LTBP1: variants seen among roughly 807,000 people sequenced by gnomAD.
LTBP1 encodes the protein latent transforming growth factor beta binding protein 1.
LTBP1 carries 129 observed loss-of-function variants against 207.6 expected under a neutral mutation model. The ratio of observed to expected loss-of-function variants is 0.62; its 90% confidence interval spans 0.54 to 0.72. The LOEUF is 0.72. Ranked by LOEUF, LTBP1 falls within the 30% of genes least tolerant of loss-of-function variation. LTBP1 has a pLI of 0.00. For missense variants in LTBP1, 2,281 were observed against 2,217.2 expected (o/e 1.03, Z -0.58); for synonymous variants, 963 against 833.7 (o/e 1.16, Z -2.67).
intron 2 of LTBP1, among the ~76,000 whole-genome samples, chr2:33,016,209 C>T (rs1461761005): frequency 6.6e-6 from 1 of 152,060 alleles, no homozygotes; most frequent in Non-Finnish European, 1.5e-5. Context: ...GTGGGAATCC[C>T]AGAGGTTGGG....
chr2:33,178,873 G>A (rs936049878), intron 5 of LTBP1, among the ~76,000 whole-genome samples: 2 of 152,094 alleles, frequency 1.3e-5, no homozygotes, highest in Non-Finnish European at 2.9e-5. Flanking sequence ...TAATTAGTAT[G>A]TTTCTACATC....
chr2:33,103,889 C>T (rs2079901989), intron 3 of LTBP1, among the ~76,000 whole-genome samples: 1 of 151,992 alleles, frequency 6.6e-6, no homozygotes, highest in Non-Finnish European at 1.5e-5. Flanking sequence ...TGAAGGTGAC[C>T]CCTGCACTTT....
chr2:32,974,714 T>C (rs566747223), intron 2 of LTBP1, among the ~76,000 whole-genome samples: 1 of 152,242 alleles, frequency 6.6e-6, no homozygotes, highest in Non-Finnish European at 1.5e-5. Context: ...CTTTTTGTTT[T>C]GTGTTTGCTT....
intron 22 of LTBP1, among the ~76,000 whole-genome samples, chr2:33,306,253 A>G (rs568580203): frequency 6.6e-6 from 1 of 152,358 alleles, no homozygotes; most frequent in East Asian, 1.9e-4. Context: ...TGGAAAATAA[A>G]TGAGAATCAA....
At chr2:33,230,742 A>G (rs2091737001) in intron 9 of LTBP1, among the ~76,000 whole-genome samples, 1 of 152,208 alleles carries the variant, frequency 6.6e-6, no homozygotes, top group Non-Finnish European at 1.5e-5. Flanking sequence ...TAAGTTTCAA[A>G]AATAGAATTT....
intron 25 of LTBP1, among the ~76,000 whole-genome samples, chr2:33,344,437 G>T (rs572792315): frequency 2.0e-5 from 3 of 152,078 alleles, no homozygotes; most frequent in Non-Finnish European, 4.4e-5. Flanking sequence ...TTCCAGCAAC[G>T]TCAGACTGGT....
chr2:33,287,465 G>C (rs1343501341), intron 19 of LTBP1, among the ~76,000 whole-genome samples: 1 of 152,180 alleles, frequency 6.6e-6, no homozygotes, highest in African/African-American at 2.4e-5. Context: ...AGCATAGAAA[G>C]GAGAAAGCCA....
intron 2 of LTBP1, among the ~76,000 whole-genome samples, chr2:32,974,556 G>C (rs1489933802): frequency 6.6e-6 from 1 of 152,038 alleles, no homozygotes; most frequent in Non-Finnish European, 1.5e-5. Flanking sequence ...TGTTTCCTTT[G>C]CTGTGTGGAA....
At position 32,947,494 on chromosome 2, in the gene LTBP1, CGCTCAACGCCAGGTACAGCCGCA is replaced by C; in HGVS notation, c.175_197del (p.Asn59GlyfsTer88). 1 of 1,440,724 alleles carries C rather than the reference CGCTCAACGCCAGGTACAGCCGCA, an allele frequency of 6.9e-7. No homozygotes were observed. The allele number at this position is 1,440,724 out of a possible 1,614,324, so 89.2% of individuals were successfully genotyped here. On this transcript the variant is annotated frameshift_variant, in exon 1 of 34. Transcript: ENST00000404816. LOFTEE classifies it high-confidence loss of function. ...CCGCGTTCGCGGACATTCAACGTCG[CGCTCAACGCCAGGTACAGCCGCA>C]GCTCGGCGGCTGCCGGCGCCCCCAG...
chr2:33,213,564 T>C (rs1409578896), intron 7 of LTBP1, among the ~76,000 whole-genome samples: 7 of 152,236 alleles, frequency 4.6e-5, no homozygotes, highest in Admixed American at 1.3e-4. Context: ...GAGAAGATCT[T>C]TCCTCTACCT....
intron 3 of LTBP1, among the ~76,000 whole-genome samples, chr2:33,100,220 T>C (rs2150127255): frequency 1.3e-5 from 2 of 152,296 alleles, no homozygotes; most frequent in Middle Eastern, 3.4e-3. Context: ...CTGTGGTTCA[T>C]GGGAACAGCT....
intron 22 of LTBP1, among the ~76,000 whole-genome samples, chr2:33,308,328 A>T (rs1440277318): frequency 6.6e-6 from 1 of 152,280 alleles, no homozygotes; most frequent in African/African-American, 2.4e-5. Context: ...TTAGTTGCGC[A>T]TTTGCTATGA....
In LTBP1 at chr2:33,342,898, C is replaced by G. The variant is rs1466361260; in HGVS notation, c.3791C>G (p.Ala1264Gly). 6.2e-7 allele frequency: 1 copy of G among 1,614,076 alleles called. No individual in the cohort carries two copies. The highest frequency in any genetic ancestry group is 1.1e-5 in the South Asian group (1 of 91,062). ...AGTCACGGGTTTTGTGACAATACAG[C>G]TGGCTCCTTCCGCTGCCTCTGTTAT... ...CDSHGFCDNT[A>G]GSFRCLCYQG... Residue 1264 changes from alanine to glycine, a missense_variant, in exon 25 of 34, where the codon GCT becomes GGT. This residue lies in a region of LTBP1 where 1,671 missense variants were observed against 1,634.8 expected (regional missense o/e 1.02). Coordinates refer to ENST00000404816, the MANE Select transcript of LTBP1 (RefSeq NM_206943.4).
At chr2:33,372,593 A>G (rs567993122) in intron 31 of LTBP1, among the ~76,000 whole-genome samples, 139 of 152,310 alleles carry the variant, frequency 9.1e-4, no homozygotes, top group Admixed American at 1.7e-3. Flanking sequence ...AAGCTTAATC[A>G]CCGGGTGTGG....
At chr2:33,258,242 T>A (rs979731080) in intron 12 of LTBP1, among the ~76,000 whole-genome samples, 1 of 152,226 alleles carries the variant, frequency 6.6e-6, no homozygotes, top group African/African-American at 2.4e-5. Context: ...TCACATATCT[T>A]GCTTACAAAG....
chr2:33,345,172 A>G (rs1367856996), intron 25 of LTBP1, among the ~76,000 whole-genome samples: 1 of 152,164 alleles, frequency 6.6e-6, no homozygotes, highest in Admixed American at 6.5e-5. Context: ...CTCATCCTTC[A>G]GCTATTTGCT....
chr2:33,267,835 G>T (rs1167872868), intron 15 of LTBP1, among the ~76,000 whole-genome samples: 2 of 152,190 alleles, frequency 1.3e-5, no homozygotes, highest in Non-Finnish European at 2.9e-5. Flanking sequence ...AAGTTACTCA[G>T]CTTCAACTGA....
chr2:32,990,258 A>G (rs1684205415), intron 2 of LTBP1, among the ~76,000 whole-genome samples: 1 of 152,178 alleles, frequency 6.6e-6, no homozygotes, highest in African/African-American at 2.4e-5. Context: ...TCTCTTGTCT[A>G]CTGGATATCG....
chr2:33,243,619 T>C lies in LTBP1; in HGVS notation c.1877-43T>C. ...CAATGTATAGCCAGAATCTGCTCAA[T>C]GGGGCTTGACTGCTCCTTCTAAAGA... On this transcript the variant is annotated intron_variant, in intron 9 of 33. Transcript: ENST00000404816. 2.5e-6 allele frequency: 4 copies of C among 1,603,582 alleles called. No homozygotes were observed. The South Asian group carries it at 4.5e-5, about 18-fold the overall frequency.
Sources: gnomAD v4.1 joint callset for allele counts (sites outside exome capture counted in the v4.1 genomes callset) on GRCh38, gnomAD v4.1.1 for gene constraint, gnomAD v4.1.1 regional missense constraint, MANE v1.5 for transcripts, NCBI Gene and HGNC (gene_info 2026-07-23, HGNC 2026-07-21) for gene names.